The following BIRC5 variants were observed in gnomAD, a reference collection of about 807,000 sequenced individuals.
BIRC5 encodes baculoviral IAP repeat containing 5, also known as baculoviral IAP repeat-containing protein 5.
BIRC5 carries 8 observed loss-of-function variants against 15.8 expected under a neutral mutation model. The ratio of observed to expected loss-of-function variants is 0.51; its 90% CI spans 0.30 to 0.91. The LOEUF is 0.91. Ranked by LOEUF, BIRC5 falls within the 40% of genes least tolerant of loss-of-function variation. The pLI, the probability that BIRC5 is intolerant of heterozygous loss-of-function variation, is 0.07. For missense variants in BIRC5, 163 were observed against 178.6 expected (o/e 0.91, Z 0.50); for synonymous variants, 56 against 64.5 (o/e 0.87, Z 0.63).
At chr17:78,223,041 C>T in intron 3 of BIRC5, 1 of 1,416,696 alleles carries the variant, frequency 7.1e-7, no homozygotes, top group Non-Finnish European at 9.2e-7. Context: ...GCTGGGGTGC[C>T]TAGACTAGCT....
rs1356782403 is a variant in BIRC5, at chr17:78,224,346, G to A, written c.*792G>A. 2 of 152,186 alleles carry A rather than the reference G, an allele frequency of 1.3e-5. No homozygotes were observed. Among genetic ancestry groups the A allele is most frequent in the African/African-American group, 2.4e-5 (1 of 41,434 alleles). 9.4% of individuals were successfully genotyped at this position (152,186 alleles called of 1,614,324 possible). ...TGTGATTAGACAGGCCCAGTGAGCC[G>A]CGGGGCACATGCTGGCCGCTCCTCC... On this transcript the variant is annotated 3_prime_UTR_variant, in exon 4 of 4. Coordinates refer to ENST00000350051, the MANE Select transcript of BIRC5 (RefSeq NM_001168.3).
chr17:78,214,989 G>T, intron 2 of BIRC5, 200 bp downstream of exon 2: 4 of 545,138 alleles, frequency 7.3e-6, no homozygotes, highest in Non-Finnish European at 1.3e-5. Flanking sequence ...TGACCAAAAT[G>T]CCTTGGGGTG....
chr17:78,218,337 A>G (rs1282179545), intron 3 of BIRC5, among the ~76,000 whole-genome samples: 1 of 151,200 alleles, frequency 6.6e-6, no homozygotes, highest in Admixed American at 6.6e-5. Flanking sequence ...TTTGTCACCC[A>G]GGCTGGAGTG....
intron 2 of BIRC5, chr17:78,214,990 C>T: frequency 1.8e-6 from 1 of 543,594 alleles, no homozygotes; most frequent in Non-Finnish European, 3.3e-6. Context: ...GACCAAAATG[C>T]CTTGGGGTGG....
intron 2 of BIRC5, among the ~76,000 whole-genome samples, chr17:78,215,333 C>G (rs1164586426): frequency 6.6e-6 from 1 of 152,014 alleles, no homozygotes; most frequent in Non-Finnish European, 1.5e-5. Flanking sequence ...AGGAGAATCG[C>G]TTGAACCTGG....
chr17:78,219,981 C>G (rs2076504258), intron 3 of BIRC5, among the ~76,000 whole-genome samples: 1 of 152,152 alleles, frequency 6.6e-6, no homozygotes, highest in Non-Finnish European at 1.5e-5. Context: ...TTTGCCCTTG[C>G]AAATAGAGCA....
intron 3 of BIRC5, among the ~76,000 whole-genome samples, chr17:78,217,099 T>C (rs1599028991): frequency 2.0e-5 from 3 of 151,842 alleles, no homozygotes; most frequent in East Asian, 1.9e-4. Flanking sequence ...AGGCTGGTCT[T>C]GAACTCCTGA....
At position 78,214,298 on chromosome 17, in the gene BIRC5, C is replaced by A; in HGVS notation, c.-19C>A. ...AGATTTGAATCGCGGGACCCGTTGG[C>A]AGAGGTGGCGGCGGCGGCATGGGTG... On this transcript the variant is annotated 5_prime_UTR_variant, in exon 1 of 4. Coordinates refer to ENST00000350051, the MANE Select transcript of BIRC5 (RefSeq NM_001168.3). 1.9e-6 allele frequency: 3 copies of A among 1,595,356 alleles called. No individual in the cohort carries two copies. Among genetic ancestry groups the A allele is most frequent in the Non-Finnish European group, 2.6e-6 (3 of 1,171,272 alleles).
At chr17:78,220,475 G>A (rs1027125468) in intron 3 of BIRC5, among the ~76,000 whole-genome samples, 3 of 151,744 alleles carry the variant, frequency 2.0e-5, no homozygotes, top group African/African-American at 7.3e-5. Context: ...AGCTGAAGGC[G>A]CAGTAGGCAG....
At chr17:78,222,185 G>C (rs1341277634) in intron 3 of BIRC5, among the ~76,000 whole-genome samples, 1 of 148,564 alleles carries the variant, frequency 6.7e-6, no homozygotes, top group African/African-American at 2.5e-5. Context: ...CTGGATGACA[G>C]AGCGAGACCC....
chr17:78,218,965 G>A (rs997775613), intron 3 of BIRC5, among the ~76,000 whole-genome samples: 1 of 152,062 alleles, frequency 6.6e-6, no homozygotes, highest in African/African-American at 2.4e-5. Flanking sequence ...TAAGTACTGG[G>A]GGATTCCATA....
At position 78,223,702 on chromosome 17, in the gene BIRC5, T is replaced by C. The variant is rs2239680; in HGVS notation, c.*148T>C. 0.27 allele frequency: 390,212 copies of C among 1,447,208 alleles called. 53,845 individuals are homozygous for C. The highest frequency in any genetic ancestry group is 0.28 in the Non-Finnish European group (309,250 of 1,092,408). The allele number at this position is 1,447,208 out of a possible 1,614,324, so 89.6% of individuals were successfully genotyped here. ...CAAATTAGATGTTTCAACTGTGCTCTTGTTTTGTCTTGAAAGTGGCACCAG... is the reference window on the plus strand; with the variant it reads ...CAAATTAGATGTTTCAACTGTGCTCCTGTTTTGTCTTGAAAGTGGCACCAG... On this transcript the variant is annotated 3_prime_UTR_variant, in exon 4 of 4. Coordinates refer to ENST00000350051, the MANE Select transcript of BIRC5 (RefSeq NM_001168.3).
intron 3 of BIRC5, among the ~76,000 whole-genome samples, chr17:78,219,142 A>G (rs536369069): frequency 6.6e-6 from 1 of 152,176 alleles, no homozygotes; most frequent in Admixed American, 6.5e-5. Flanking sequence ...TGAAAATTGT[A>G]TTCCTTTGTA....
chr17:78,219,779 G>A (rs1003402176), intron 3 of BIRC5, among the ~76,000 whole-genome samples: 37 of 152,150 alleles, frequency 2.4e-4, no homozygotes, highest in African/African-American at 7.5e-4. Flanking sequence ...TTCTTAGCCC[G>A]TGGGCTGGAC....
chr17:78,216,442 A>G (rs2076478491), intron 2 of BIRC5: 1 of 482,324 alleles, frequency 2.1e-6, no homozygotes, highest in Non-Finnish European at 3.8e-6. Context: ...AGCCACACAG[A>G]TGTGGGGGGA....
At chr17:78,214,488 C>T (rs1035190115) in intron 1 of BIRC5, 61 bp downstream of exon 1, 1 of 1,433,846 alleles carries the variant, frequency 7.0e-7, no homozygotes, top group Non-Finnish European at 9.3e-7. Flanking sequence ...CTAGCGAGGC[C>T]ACTGTGACTG....
chr17:78,222,816 T>C, intron 3 of BIRC5: 1 of 1,536,016 alleles, frequency 6.5e-7, no homozygotes, highest in Non-Finnish European at 8.7e-7. Context: ...GTGATTGTCA[T>C]TTGCCCCTTA....
At chr17:78,222,549 C>G (rs1374856062) in intron 3 of BIRC5, among the ~76,000 whole-genome samples, 2 of 152,084 alleles carry the variant, frequency 1.3e-5, no homozygotes, top group Admixed American at 1.3e-4. Flanking sequence ...CCTGTAATCC[C>G]AGCTACTCGG....
intron 3 of BIRC5, among the ~76,000 whole-genome samples, chr17:78,217,244 C>T (rs191677036): frequency 6.7e-6 from 1 of 150,076 alleles, no homozygotes; most frequent in South Asian, 2.1e-4. Flanking sequence ...GGCCTGATCT[C>T]GGATCACTGC....
Sources: allele counts gnomAD v4.1 joint callset (sites outside exome capture counted in the v4.1 genomes callset), GRCh38; gene constraint gnomAD v4.1.1; transcripts MANE v1.5; gene names NCBI Gene and HGNC (gene_info 2026-07-23, HGNC 2026-07-21).